The following ZNF609 variants were observed in gnomAD, a reference collection of about 807,000 sequenced individuals.
ZNF609 encodes zinc finger protein 609.
A neutral mutation model predicts 109.5 loss-of-function variants in ZNF609; 11 were observed. That is an observed-to-expected ratio of 0.10 (90% CI 0.06 to 0.17). The LOEUF is 0.17. Among genes scored for constraint, ZNF609 ranks in the 10% least tolerant of loss-of-function variants. The probability of loss-of-function intolerance (pLI) is 1.00; values close to 1 mark genes in which losing one functional copy is unlikely to be tolerated. For missense variants in ZNF609, 1,559 were observed against 1,772.4 expected (o/e 0.88, Z 2.16); for synonymous variants, 646 against 662.0 (o/e 0.98, Z 0.37).
intron 1 of ZNF609, among the ~76,000 whole-genome samples, chr15:64,487,027 A>C (rs183825187): frequency 1.4e-4 from 21 of 152,314 alleles, no homozygotes; most frequent in African/African-American, 5.1e-4. Flanking sequence ...TGCTGAGTAA[A>C]TAATGTTTAT....
chr15:64,661,060 C>T (rs1472598183), intron 3 of ZNF609, among the ~76,000 whole-genome samples: 1 of 152,112 alleles, frequency 6.6e-6, no homozygotes, highest in Non-Finnish European at 1.5e-5. Flanking sequence ...CTCCTGGGCT[C>T]AAGTGATTCT....
intron 3 of ZNF609, among the ~76,000 whole-genome samples, chr15:64,648,301 C>T (rs532962753): frequency 8.4e-4 from 128 of 152,256 alleles, no homozygotes; most frequent in Admixed American, 2.8e-3. Context: ...GACTGGGCAA[C>T]ATAGCAAAAC....
chr15:64,613,839 C>T (rs1010425936), intron 2 of ZNF609, among the ~76,000 whole-genome samples: 6 of 151,138 alleles, frequency 4.0e-5, no homozygotes, highest in Admixed American at 2.0e-4. Context: ...TGAGCCACTC[C>T]GCCTGGCCTA....
chr15:64,636,421 CA>C (rs1350488291), intron 3 of ZNF609, among the ~76,000 whole-genome samples: 1 of 152,128 alleles, frequency 6.6e-6, no homozygotes, highest in Non-Finnish European at 1.5e-5. Context: ...AAAAGCAGCC[CA>C]AAAGACTGCT....
chr15:64,474,595 T>G (rs1893140811), intron 1 of ZNF609, among the ~76,000 whole-genome samples: 1 of 152,180 alleles, frequency 6.6e-6, no homozygotes, highest in Non-Finnish European at 1.5e-5. Flanking sequence ...TATTGCATAC[T>G]ACATACAACT....
intron 1 of ZNF609, among the ~76,000 whole-genome samples, chr15:64,487,055 T>C (rs1478567858): frequency 6.6e-6 from 1 of 152,226 alleles, no homozygotes; most frequent in Non-Finnish European, 1.5e-5. Flanking sequence ...CCGTTTGATA[T>C]ACTACTATTA....
chr15:64,658,342 C>A (rs544905097), intron 3 of ZNF609, among the ~76,000 whole-genome samples: 15 of 152,066 alleles, frequency 9.9e-5, no homozygotes, highest in Non-Finnish European at 2.1e-4. Context: ...GGATTACAGG[C>A]ATGCACCACC....
intron 3 of ZNF609, among the ~76,000 whole-genome samples, chr15:64,627,636 CAGTTCTTTTT>C (rs1567033444): frequency 7.0e-6 from 1 of 143,622 alleles, no homozygotes; most frequent in Non-Finnish European, 1.5e-5. Context: ...TAGGACCTGA[CAGTTCTTTTT>C]AGTTCTTTTT....
At chr15:64,502,635 T>C (rs1409875808) in intron 2 of ZNF609, 3 of 152,328 alleles carry the variant, frequency 2.0e-5, no homozygotes, top group African/African-American at 7.2e-5. Flanking sequence ...GATGTTTTGA[T>C]ATAATCTAAG....
At chr15:64,479,292 T>TTG (rs1893215588) in intron 1 of ZNF609, among the ~76,000 whole-genome samples, 1 of 131,174 alleles carries the variant, frequency 7.6e-6, no homozygotes, top group Non-Finnish European at 1.6e-5. Context: ...TGATTTTTTT[T>TTG]TTTTTTTTTT....
intron 1 of ZNF609, among the ~76,000 whole-genome samples, chr15:64,483,188 C>G (rs1157998689): frequency 6.6e-6 from 1 of 151,510 alleles, no homozygotes; most frequent in Non-Finnish European, 1.5e-5. Flanking sequence ...CTCCACCTTC[C>G]GGGTTCAAGT....
chr15:64,627,695 T>C (rs1895993080), intron 3 of ZNF609, among the ~76,000 whole-genome samples: 1 of 99,366 alleles, frequency 1.0e-5, no homozygotes, highest in African/African-American at 3.7e-5. Context: ...TGAGACAGGG[T>C]CAAGCTGTGT....
At chr15:64,489,747 T>A (rs999314175) in intron 1 of ZNF609, among the ~76,000 whole-genome samples, 1 of 151,600 alleles carries the variant, frequency 6.6e-6, no homozygotes, top group Non-Finnish European at 1.5e-5. Flanking sequence ...AGGCTGGTCT[T>A]GAACTCCTGA....
At position 64,675,009 on chromosome 15, in the gene ZNF609, C is replaced by A; in HGVS notation, c.2155C>A (p.Pro719Thr). Residue 719 changes from proline to threonine, a missense_variant, in exon 5 of 10, where the codon CCT (proline) becomes ACT (threonine). Transcript: ENST00000326648. ...TATGGGAGAACCTTTCACAGTCAAC[C>A]CTGCCTTGACTCCAGCCAAGGACAA... Reference protein sequence around the residue: ...TVMGEPFTVNPALTPAKDKKK... With the variant: ...TVMGEPFTVNTALTPAKDKKK... 6.2e-7 allele frequency: 1 copy of A among 1,613,990 alleles called. No individual in the cohort carries two copies. Among genetic ancestry groups the A allele is most frequent in the Non-Finnish European group, 8.5e-7 (1 of 1,180,004 alleles).
At chr15:64,514,269 T>C (rs1893776327) in intron 2 of ZNF609, among the ~76,000 whole-genome samples, 1 of 152,226 alleles carries the variant, frequency 6.6e-6, no homozygotes, top group Non-Finnish European at 1.5e-5. Flanking sequence ...CCATTTAGTA[T>C]ACAAAGGTAT....
Position 64,486,692 on chromosome 15 carries a change from T to G in ZNF609, c.-127-12601T>G, listed in dbSNP as rs1459740458. ...GTGCAGTGGCATGATCTCAGGTCAA[T>G]GTAGCCTCTGCTTCCCAGGTTCAAG... is the stretch of plus-strand genomic sequence containing the variant. On this transcript the variant is annotated intron_variant, in intron 1 of 9. Coordinates refer to ENST00000326648, the MANE Select transcript of ZNF609 (RefSeq NM_015042.2). Among the ~76,000 whole-genome samples, 3 of 152,144 alleles carry G rather than the reference T, an allele frequency of 2.0e-5. No homozygotes were observed. The Middle Eastern group carries it at 0.01, about 517-fold the overall frequency.
intron 1 of ZNF609, among the ~76,000 whole-genome samples, chr15:64,465,492 T>C (rs1327022215): frequency 9.2e-5 from 14 of 151,952 alleles, no homozygotes; most frequent in Admixed American, 6.6e-4. Context: ...AGCAATTGCT[T>C]GCGTCAGCCT....
intron 3 of ZNF609, among the ~76,000 whole-genome samples, chr15:64,640,556 A>G (rs1896239389): frequency 6.6e-6 from 1 of 152,238 alleles, no homozygotes; most frequent in Non-Finnish European, 1.5e-5. Context: ...AGTGCCTCGC[A>G]TAAGCCAAGC....
chr15:64,600,840 G>C (rs1257733992), intron 2 of ZNF609, among the ~76,000 whole-genome samples: 1 of 152,138 alleles, frequency 6.6e-6, no homozygotes, highest in Non-Finnish European at 1.5e-5. Context: ...TTTGGGTTTT[G>C]TTGGTCTGTT....
Sources: allele counts gnomAD v4.1 joint callset (sites outside exome capture counted in the v4.1 genomes callset), GRCh38; gene constraint gnomAD v4.1.1; transcripts MANE v1.5; gene names NCBI Gene and HGNC (gene_info 2026-07-23, HGNC 2026-07-21).